CLEC4C: variants seen among roughly 807,000 people sequenced by gnomAD.
The protein encoded by CLEC4C is C-type (calcium dependent, carbohydrate-recognition domain) lectin, superfamily member 11.
In CLEC4C, 17 loss-of-function variants were observed where a neutral mutation model predicts 27.7. That is an observed-to-expected ratio of 0.61 (90% CI 0.42 to 0.92). The LOEUF (loss-of-function observed/expected upper bound fraction) is 0.92. Among genes scored for constraint, CLEC4C ranks in the 40% least tolerant of loss-of-function variants. The pLI, the probability that CLEC4C is intolerant of heterozygous loss-of-function variation, is 0.00. For missense variants in CLEC4C, 244 were observed against 257.3 expected (o/e 0.95, Z 0.35); for synonymous variants, 80 against 80.8 (o/e 0.99, Z 0.06).
chr12:7,747,254 T>C (rs1865003589), intron 1 of CLEC4C, 64 bp downstream of exon 1: 2 of 1,430,372 alleles, frequency 1.4e-6, no homozygotes, highest in Non-Finnish European at 2.0e-6. Flanking sequence ...ATCACCTCAA[T>C]GCCTGTTTCC....
At chr12:7,731,615 C>A (rs1864596880) in intron 4 of CLEC4C, among the ~76,000 whole-genome samples, 1 of 152,182 alleles carries the variant, frequency 6.6e-6, no homozygotes, top group African/African-American at 2.4e-5. Context: ...TGTCCAGCAG[C>A]AGAGGCCTCT....
chr12:7,729,647 G>A lies in CLEC4C; in HGVS notation c.591C>T (p.His197=). The A allele has an allele frequency of 6.2e-7, 1 of 1,612,988 alleles. No individual in the cohort carries two copies. Among genetic ancestry groups the A allele is most frequent in the Non-Finnish European group, 8.5e-7 (1 of 1,179,010 alleles). The change falls in exon 6 of 6, where the codon CAC becomes CAT. Residue 197 remains histidine, a synonymous_variant. Transcript: ENST00000360345. ...AAATTGACTTCTGAGGTACATGACA[G>A]TGAATGTCATTCCAGCCCCATTCTT... ...SSEEWGWNDI[H]CHVPQKSICK...
At chr12:7,735,707 AGAG>A (rs944187737) in intron 4 of CLEC4C, among the ~76,000 whole-genome samples, 1 of 151,486 alleles carries the variant, frequency 6.6e-6, no homozygotes, top group Admixed American at 6.6e-5. Context: ...CGGGAGACAG[AGAG>A]GAGAATCGCT....
Position 7,741,512 on chromosome 12 carries a change from A to C in CLEC4C, c.144T>G (p.Tyr48Ter). The C allele has an allele frequency of 6.2e-7, 1 of 1,604,340 alleles. No individual in the cohort carries two copies. The highest frequency in any genetic ancestry group is 8.5e-7 in the Non-Finnish European group (1 of 1,171,784). ...VSSVVPHNFM[Y>*]SKTVKRLSKL... is the part of the protein sequence containing the mutation. ...TGGACAGCCTCTTGACAGTTTTGCT[A>C]TACATAAAATTGTGAGGCACTGGGA... Residue 48 changes from tyrosine (Y) to a stop codon, truncating the protein, a stop_gained, in exon 3 of 6, where the codon TAT (tyrosine) becomes TAG (stop). Coordinates refer to ENST00000360345, the MANE Select transcript of CLEC4C (RefSeq NM_001371390.1). LOFTEE classifies it high-confidence loss of function.
At chr12:7,737,884 GA>G (rs986006678) in intron 3 of CLEC4C, among the ~76,000 whole-genome samples, 19 of 145,342 alleles carry the variant, frequency 1.3e-4, no homozygotes, top group African/African-American at 3.8e-4. Flanking sequence ...TGTTACCAAA[GA>G]AAAAAAAAAG....
chr12:7,733,242 A>G (rs1267997737), intron 4 of CLEC4C, among the ~76,000 whole-genome samples: 1 of 151,814 alleles, frequency 6.6e-6, no homozygotes, highest in South Asian at 2.1e-4. Flanking sequence ...ATAGAGGTCT[A>G]TAATCAAATT....
rs60851044 is a variant in CLEC4C at position 7,745,164 on chromosome 12, G to A, written c.124+1167C>T. On this transcript the variant is annotated intron_variant, in intron 2 of 5. Coordinates refer to ENST00000360345, the MANE Select transcript of CLEC4C (RefSeq NM_001371390.1). ...CAAGCTCCAATTTGTGGTATTTGAA[G>A]ATAGGGGCTTTGGGAGGAAATCAGG... Among the ~76,000 whole-genome samples the A allele has an allele frequency of 3.0e-3, 464 of 152,154 alleles. 4 individuals are homozygous for A. The highest frequency in any genetic ancestry group is 0.014 in the Middle Eastern group (4 of 292).
upstream of CLEC4C, among the ~76,000 whole-genome samples, chr12:7,748,011 G>A (rs1865023702): frequency 6.7e-6 from 1 of 150,232 alleles, no homozygotes; most frequent in African/African-American, 2.5e-5. Context: ...GACTAATACA[G>A]CCTCCCAAAG....
intron 4 of CLEC4C, among the ~76,000 whole-genome samples, chr12:7,735,959 A>C (rs10505733): frequency 0.22 from 33,390 of 152,060 alleles, 4,448 homozygotes; most frequent in Admixed American, 0.32. Context: ...TATGGCTTTA[A>C]TAGCAGGATA....
Position 7,739,182 on chromosome 12 carries a change from G to A in CLEC4C, c.236-1608C>T, listed in dbSNP as rs771272343. 6.1e-4 allele frequency among the ~76,000 whole-genome samples: 92 copies of A among 150,422 alleles called. 2 individuals carry two copies. The Middle Eastern group carries it at 0.032, about 52-fold the overall frequency. On this transcript the variant is annotated intron_variant, in intron 3 of 5. Coordinates refer to ENST00000360345, the MANE Select transcript of CLEC4C (RefSeq NM_001371390.1). The stretch of plus-strand genomic sequence containing the variant: ...GGCTGGAGTGCAGTGGTGTGATCTC[G>A]GCTCACTGCAACCTTCGCCTCCCGG...
At chr12:7,746,505 A>C in intron 1 of CLEC4C, 82 bp from the exon 2 acceptor site, 1 of 825,324 alleles carries the variant, frequency 1.2e-6, no homozygotes, top group Non-Finnish European at 2.0e-6. Context: ...AAATCTTAGA[A>C]TAATAAAGTC....
Position 7,746,225 on chromosome 12 carries a change from A to G in CLEC4C, c.124+106T>C, listed in dbSNP as rs1361295507. 1.4e-5 allele frequency: 9 copies of G among 653,176 alleles called. No homozygotes were observed. In the East Asian group the frequency reaches 2.1e-4, roughly 15 times the overall value. 40.5% of individuals were successfully genotyped at this position (653,176 alleles called of 1,614,324 possible). ...CGAGATTCCGTCTCAAAAAAAAAAAAAAAAAAAAGAAAAAAAAAGAAAGAG... is the reference window on the plus strand; with the variant it reads ...CGAGATTCCGTCTCAAAAAAAAAAAGAAAAAAAAGAAAAAAAAAGAAAGAG... On this transcript the variant is annotated intron_variant, in intron 2 of 5. Coordinates refer to ENST00000360345, the MANE Select transcript of CLEC4C (RefSeq NM_001371390.1).
chr12:7,746,481 A>G, intron 1 of CLEC4C, 58 bp from the exon 2 acceptor site: 1 of 1,088,064 alleles, frequency 9.2e-7, no homozygotes, highest in Admixed American at 2.0e-5. Context: ...AGAGCCAGGA[A>G]ACCAGAGTCC....
intron 3 of CLEC4C, among the ~76,000 whole-genome samples, chr12:7,739,564 G>A (rs1704362507): frequency 6.6e-6 from 1 of 152,102 alleles, no homozygotes; most frequent in African/African-American, 2.4e-5. Flanking sequence ...GGACACAGCC[G>A]ACCAATTATC....
upstream of CLEC4C, chr12:7,749,042 T>C (rs1215953474): frequency 6.6e-6 from 1 of 152,186 alleles, no homozygotes; most frequent in Non-Finnish European, 1.5e-5. Context: ...CCCAGGGTTA[T>C]GGGTGGCTGG....
chr12:7,744,647 C>T (rs1864931258), intron 2 of CLEC4C, among the ~76,000 whole-genome samples: 1 of 152,126 alleles, frequency 6.6e-6, no homozygotes. Context: ...GACAGGGTCT[C>T]TCTGTCGCCC....
chr12:7,746,543 G>A, intron 1 of CLEC4C, 120 bp from the exon 2 acceptor site: 1 of 607,850 alleles, frequency 1.6e-6, no homozygotes, highest in Non-Finnish European at 2.9e-6. Flanking sequence ...AATTAAAACA[G>A]AAAAAATGTG....
chr12:7,731,819 T>C (rs558641678), intron 4 of CLEC4C, among the ~76,000 whole-genome samples: 18 of 152,114 alleles, frequency 1.2e-4, no homozygotes, highest in Admixed American at 6.6e-5. Context: ...ATTCTTCTTG[T>C]AAAGGGAGTC....
intron 3 of CLEC4C, among the ~76,000 whole-genome samples, chr12:7,738,564 T>C (rs1250627500): frequency 6.6e-6 from 1 of 152,184 alleles, no homozygotes; most frequent in Non-Finnish European, 1.5e-5. Flanking sequence ...TGCAGTGGCA[T>C]AACCATGGCT....
Sources: gnomAD v4.1 joint callset for allele counts (sites outside exome capture counted in the v4.1 genomes callset) on GRCh38, gnomAD v4.1.1 for gene constraint, MANE v1.5 for transcripts, NCBI Gene and HGNC (gene_info 2026-07-23, HGNC 2026-07-21) for gene names.